Variants in DTNB observed in about 807,000 individuals in gnomAD.
The protein encoded by DTNB is dystrobrevin beta.
A neutral mutation model predicts 90.7 loss-of-function variants in DTNB; 63 were observed. The observed-to-expected ratio is 0.69, with a 90% CI of 0.57 to 0.86. The LOEUF is 0.86. Ranked by LOEUF, DTNB falls within the 40% of genes least tolerant of loss-of-function variation. The pLI is 0.00. For synonymous variants in DTNB, 277 were observed against 286.7 expected (o/e 0.97, Z 0.34); for missense variants, 744 against 807.1 (o/e 0.92, Z 0.95).
intron 3 of DTNB, among the ~76,000 whole-genome samples, chr2:25,633,310 C>A (rs946278849): frequency 3.9e-5 from 6 of 152,064 alleles, no homozygotes; most frequent in Middle Eastern, 3.4e-3. Flanking sequence ...ATTGCAGGCG[C>A]GCGCCGCCAC....
At chr2:25,407,527 C>T in intron 16 of DTNB, among the ~76,000 whole-genome samples, 1 of 152,146 alleles carries the variant, frequency 6.6e-6, no homozygotes, top group Non-Finnish European at 1.5e-5. Context: ...AACCTAAGTG[C>T]CCATCAACCA....
At chr2:25,521,905 A>T (rs538629785) in intron 9 of DTNB, among the ~76,000 whole-genome samples, 1 of 152,368 alleles carries the variant, frequency 6.6e-6, no homozygotes, top group African/African-American at 2.4e-5. Context: ...GCTAGAATTC[A>T]GGGTAATAGA....
At chr2:25,534,033 G>A (rs1283014081) in intron 8 of DTNB, among the ~76,000 whole-genome samples, 3 of 149,102 alleles carry the variant, frequency 2.0e-5, no homozygotes, top group African/African-American at 7.4e-5. Flanking sequence ...GATCATTCTT[G>A]GGTGTTTCTC....
intron 16 of DTNB, among the ~76,000 whole-genome samples, chr2:25,414,792 G>C (rs939323102): frequency 1.3e-5 from 2 of 152,128 alleles, no homozygotes; most frequent in Non-Finnish European, 2.9e-5. Context: ...ACAGGCGGGG[G>C]ATGTAATAGT....
chr2:25,451,573 C>A lies in DTNB; in HGVS notation c.1232G>T (p.Arg411Leu), dbSNP rs768842939. The change falls in exon 12 of 21, where the codon CGG becomes CTG. Residue 411 changes from arginine to leucine, a missense_variant. Arg to Leu is a moderately radical substitution (Grantham distance 102). Coordinates refer to ENST00000406818, the MANE Select transcript of DTNB (RefSeq NM_021907.5). ...CACGTTTCCTGCTTCTGCAGCCAGC[C>A]GGGCAGCATAGCGAGCTATAAGACG... Reference protein sequence around the residue: ...EHRLIARYAARLAAEAGNVTR... With the variant: ...EHRLIARYAALLAAEAGNVTR... The A allele has an allele frequency of 1.2e-6, 2 of 1,609,216 alleles. No homozygotes were observed. The highest frequency in any genetic ancestry group is 2.2e-5 in the East Asian group (1 of 44,822).
intron 15 of DTNB, 34 bp downstream of exon 15, chr2:25,427,501 T>C: frequency 6.2e-7 from 1 of 1,604,364 alleles, no homozygotes; most frequent in Middle Eastern, 1.7e-4. Flanking sequence ...GGGAGAAGAA[T>C]GACAAGAACT....
At chr2:25,403,702 C>T (rs2044331835) in intron 16 of DTNB, among the ~76,000 whole-genome samples, 1 of 152,178 alleles carries the variant, frequency 6.6e-6, no homozygotes, top group Admixed American at 6.5e-5. Flanking sequence ...TGAGGTATGG[C>T]ACCCTTATTC....
At chr2:25,572,281 C>G (rs964163203) in intron 8 of DTNB, among the ~76,000 whole-genome samples, 1 of 152,160 alleles carries the variant, frequency 6.6e-6, no homozygotes, top group Non-Finnish European at 1.5e-5. Context: ...TCCTAGCTAA[C>G]ACGGTGAAAC....
intron 16 of DTNB, among the ~76,000 whole-genome samples, chr2:25,411,921 G>A (rs576939973): frequency 6.1e-4 from 93 of 152,230 alleles, no homozygotes; most frequent in Non-Finnish European, 1.2e-3. Flanking sequence ...TAAGAGCCAC[G>A]GAGCCCAGAA....
chr2:25,419,846 G>A (rs1419651235), intron 15 of DTNB, among the ~76,000 whole-genome samples: 1 of 152,202 alleles, frequency 6.6e-6, no homozygotes, highest in African/African-American at 2.4e-5. Context: ...CCTGCCTAAG[G>A]TTCACATAGC....
chr2:25,491,139 A>ACACG (rs1167245927), intron 9 of DTNB, among the ~76,000 whole-genome samples: 1 of 51,740 alleles, frequency 1.9e-5, no homozygotes, highest in African/African-American at 8.8e-5. Context: ...TTATATGAGC[A>ACACG]CACACACACA....
intron 16 of DTNB, among the ~76,000 whole-genome samples, chr2:25,402,403 C>T (rs556325664): frequency 3.9e-5 from 6 of 152,294 alleles, no homozygotes; most frequent in African/African-American, 1.2e-4. Context: ...TTAGCAGAGG[C>T]GCCCACCTGC....
intron 8 of DTNB, among the ~76,000 whole-genome samples, chr2:25,561,499 G>A (rs558423912): frequency 6.6e-6 from 1 of 152,198 alleles, no homozygotes. Context: ...TGAGTGATAT[G>A]GTTTGGATGT....
intron 10 of DTNB, among the ~76,000 whole-genome samples, chr2:25,464,368 A>G (rs2061453899): frequency 6.6e-6 from 1 of 152,252 alleles, no homozygotes; most frequent in Admixed American, 6.5e-5. Context: ...CAGCATGTCA[A>G]AGGGACACAG....
At chr2:25,599,583 C>T (rs2065405099) in intron 5 of DTNB, among the ~76,000 whole-genome samples, 1 of 152,020 alleles carries the variant, frequency 6.6e-6, no homozygotes, top group Non-Finnish European at 1.5e-5. Flanking sequence ...TCTCGTGATG[C>T]ACGCCTCGGC....
intron 14 of DTNB, chr2:25,427,886 G>C (rs1273107175): frequency 1.1e-5 from 3 of 264,190 alleles, no homozygotes; most frequent in Non-Finnish European, 2.1e-5. Flanking sequence ...TTACCAGAGT[G>C]AATTAATGAT....
intron 4 of DTNB, among the ~76,000 whole-genome samples, chr2:25,626,083 G>A (rs1281976769): frequency 6.6e-6 from 1 of 152,136 alleles, no homozygotes; most frequent in East Asian, 1.9e-4. Context: ...TTTATAGAGA[G>A]TCCAGTTCAT....
intron 2 of DTNB, among the ~76,000 whole-genome samples, chr2:25,643,938 A>G (rs858649): frequency 0.036 from 5,488 of 152,262 alleles, 159 homozygotes; most frequent in African/African-American, 0.085. Context: ...TAAAGAAGCC[A>G]CCTAAAACCC....
At chr2:25,482,416 C>G (rs145537162) in intron 10 of DTNB, among the ~76,000 whole-genome samples, 102 of 151,842 alleles carry the variant, frequency 6.7e-4, no homozygotes, top group Non-Finnish European at 1.1e-3. Context: ...AATCAAAGAG[C>G]AAAAATGATC....
Sources: allele counts gnomAD v4.1 joint callset (sites outside exome capture counted in the v4.1 genomes callset), GRCh38; gene constraint gnomAD v4.1.1; transcripts MANE v1.5; gene names NCBI Gene and HGNC (gene_info 2026-07-23, HGNC 2026-07-21).